TPO: variants seen among roughly 807,000 people sequenced by gnomAD.
TPO encodes the protein thyroid peroxidase.
In TPO, 78 loss-of-function variants were observed where a neutral mutation model predicts 96.9. The ratio of observed to expected loss-of-function variants is 0.81; its 90% CI spans 0.67 to 0.97. TPO has a LOEUF of 0.97. Ranked by LOEUF, TPO falls within the 50% of genes least tolerant of loss-of-function variation. TPO has a pLI of 0.00. For missense variants in TPO, 1,252 were observed against 1,274.8 expected (o/e 0.98, Z 0.27); for synonymous variants, 547 against 538.0 (o/e 1.02, Z -0.23).
rs1396786379 is a variant in TPO, at chr2:1,477,105, C to T, written c.839C>T (p.Pro280Leu). ...FPIQLPEEAR[P>L]AAGTACLPFY... ...CTGCAGCTCCCGGAGGAGGCCCGGC[C>T]GGCCGCGGGCACCGCCTGTCTGCCC... The change falls in exon 8 of 17, where the codon CCG (proline) becomes CTG (leucine). Residue 280 changes from proline (P) to leucine (L), a missense_variant. Transcript: ENST00000329066. 5 of 1,605,786 alleles carry T rather than the reference C, an allele frequency of 3.1e-6. No homozygotes were observed. Among genetic ancestry groups the T allele is most frequent in the Non-Finnish European group, 2.5e-6 (3 of 1,178,066 alleles).
At chr2:1,477,014 C>T in intron 7 of TPO, 72 bp from the exon 8 acceptor site, 1 of 1,527,966 alleles carries the variant, frequency 6.5e-7, no homozygotes, top group Non-Finnish European at 8.8e-7. Context: ...TCGTCGCCGG[C>T]CTCGAACTTC....
In TPO at chr2:1,477,621, T is replaced by C; in HGVS notation, c.1338+17T>C. ...CTGCACCAGGTGCGCGGGGTGGTCC[T>C]GGGCGCCCTGGGTGGCTGCGGGCAA... On this transcript the variant is annotated intron_variant, in intron 8 of 16. Transcript: ENST00000329066. 6.7e-7 allele frequency: 1 copy of C among 1,483,516 alleles called. No homozygotes were observed. The highest frequency in any genetic ancestry group is 8.9e-7 in the Non-Finnish European group (1 of 1,124,080). 91.9% of individuals were successfully genotyped at this position (1,483,516 alleles called of 1,614,324 possible).
At chr2:1,539,203 A>G (rs1220567170) in intron 15 of TPO, among the ~76,000 whole-genome samples, 1 of 152,242 alleles carries the variant, frequency 6.6e-6, no homozygotes, top group Non-Finnish European at 1.5e-5. Context: ...TGAGAAATTA[A>G]TGTGCTTTCA....
intron 5 of TPO, among the ~76,000 whole-genome samples, chr2:1,440,716 T>TG (rs1666085738): frequency 6.8e-6 from 1 of 148,042 alleles, no homozygotes; most frequent in Non-Finnish European, 1.5e-5. Context: ...TGGAAGAGAA[T>TG]GGGCAGGCTT....
intron 9 of TPO, among the ~76,000 whole-genome samples, chr2:1,486,953 G>A (rs940502045): frequency 1.3e-5 from 2 of 152,238 alleles, no homozygotes; most frequent in Non-Finnish European, 2.9e-5. Flanking sequence ...CACACAGGAC[G>A]ATGCATGTCG....
intron 5 of TPO, among the ~76,000 whole-genome samples, chr2:1,436,970 G>A (rs911001608): frequency 2.6e-5 from 4 of 152,122 alleles, no homozygotes; most frequent in Non-Finnish European, 4.4e-5. Flanking sequence ...GTTCAGATCC[G>A]CCCAACAGTG....
At chr2:1,399,449 G>A (rs916350950) in intron 1 of TPO, among the ~76,000 whole-genome samples, 5 of 152,182 alleles carry the variant, frequency 3.3e-5, no homozygotes, top group Admixed American at 6.5e-5. Flanking sequence ...CATACCCACG[G>A]TGAAGCTTAG....
chr2:1,437,273 G>T (rs1240921485), intron 5 of TPO, among the ~76,000 whole-genome samples: 1 of 152,196 alleles, frequency 6.6e-6, no homozygotes, highest in African/African-American at 2.4e-5. Flanking sequence ...GTGGGGTCTG[G>T]GGGAAACAGT....
At chr2:1,447,406 T>C (rs1271567905) in intron 5 of TPO, among the ~76,000 whole-genome samples, 2 of 152,208 alleles carry the variant, frequency 1.3e-5, no homozygotes, top group African/African-American at 2.4e-5. Flanking sequence ...ATGTCCTGCC[T>C]TTTTGTACTG....
chr2:1,431,769 T>C (rs566721079), intron 3 of TPO, among the ~76,000 whole-genome samples: 2 of 152,330 alleles, frequency 1.3e-5, no homozygotes, highest in East Asian at 1.9e-4. Flanking sequence ...TTTGGGGTTA[T>C]TATTAATAAA....
At chr2:1,374,871 CA>C (rs1279029435) in intron 1 of TPO, among the ~76,000 whole-genome samples, 2 of 151,726 alleles carry the variant, frequency 1.3e-5, no homozygotes, top group Admixed American at 1.3e-4. Context: ...GGACTACAGG[CA>C]CCCGCCACCA....
At chr2:1,425,742 T>C (rs1342230117) in intron 3 of TPO, among the ~76,000 whole-genome samples, 6 of 152,180 alleles carry the variant, frequency 3.9e-5, no homozygotes, top group African/African-American at 1.4e-4. Context: ...ACTCCTTCTG[T>C]AAAGTCATTG....
chr2:1,428,192 G>A (rs1280703720), intron 3 of TPO, among the ~76,000 whole-genome samples: 1 of 152,186 alleles, frequency 6.6e-6, no homozygotes, highest in African/African-American at 2.4e-5. Context: ...CTGAAGCTGA[G>A]GTCTTAAAGT....
At chr2:1,494,945 C>T (rs891055479) in intron 11 of TPO, among the ~76,000 whole-genome samples, 1 of 152,090 alleles carries the variant, frequency 6.6e-6, no homozygotes, top group Non-Finnish European at 1.5e-5. Flanking sequence ...TAGAAATCAC[C>T]AGGAGAACTT....
intron 1 of TPO, among the ~76,000 whole-genome samples, chr2:1,405,724 C>G (rs1399922978): frequency 1.3e-5 from 2 of 152,128 alleles, no homozygotes; most frequent in Non-Finnish European, 2.9e-5. Flanking sequence ...ATCTTCCTAA[C>G]TCAACTATAA....
intron 5 of TPO, among the ~76,000 whole-genome samples, chr2:1,445,490 G>A (rs1666701391): frequency 7.5e-6 from 1 of 133,476 alleles, no homozygotes; most frequent in Admixed American, 7.3e-5. Context: ...CACCATGCTG[G>A]AAGGGAATGG....
At chr2:1,453,634 C>T (rs1667515295) in intron 5 of TPO, 60 bp from the exon 6 acceptor site, 1 of 1,612,804 alleles carries the variant, frequency 6.2e-7, no homozygotes, top group Non-Finnish European at 8.5e-7. Flanking sequence ...ATATCTGGAA[C>T]TCACTGCTTC....
chr2:1,405,131 C>T (rs1322511530), intron 1 of TPO, among the ~76,000 whole-genome samples: 1 of 147,136 alleles, frequency 6.8e-6, no homozygotes, highest in Non-Finnish European at 1.5e-5. Context: ...GCCTATCCAT[C>T]CATTCATCAT....
At chr2:1,489,545 C>G (rs1671514540) in intron 10 of TPO, among the ~76,000 whole-genome samples, 2 of 152,212 alleles carry the variant, frequency 1.3e-5, no homozygotes, top group South Asian at 4.1e-4. Context: ...CCTGTGGGTC[C>G]CCCCATAGAT....
Sources: allele counts gnomAD v4.1 joint callset (sites outside exome capture counted in the v4.1 genomes callset), GRCh38; gene constraint gnomAD v4.1.1; transcripts MANE v1.5; gene names NCBI Gene and HGNC (gene_info 2026-07-23, HGNC 2026-07-21).